The following MSN variants were observed in gnomAD, a reference collection of about 807,000 sequenced individuals.
MSN encodes epididymis luminal protein 70.
In MSN, 2 loss-of-function variants were observed where a neutral mutation model predicts 48.0. The observed-to-expected ratio is 0.04, with a 90% CI of 0.02 to 0.13. MSN has a LOEUF of 0.13. Among genes scored for constraint, MSN ranks in the 10% least tolerant of loss-of-function variants. The probability of loss-of-function intolerance (pLI) is 1.00; values close to 1 mark genes in which losing one functional copy is unlikely to be tolerated. For missense variants in MSN, 267 were observed against 470.1 expected (o/e 0.57, Z 3.99); for synonymous variants, 146 against 166.9 (o/e 0.87, Z 0.97).
chrX:65,727,008 C>T (rs1462262712), intron 2 of MSN, among the ~76,000 whole-genome samples: 1 of 111,085 alleles, frequency 9.0e-6, no homozygotes, highest in Non-Finnish European at 1.9e-5. Context: ...CAGGGGGCAC[C>T]TCAGCTGCTA....
intron 1 of MSN, among the ~76,000 whole-genome samples, chrX:65,633,103 G>A (rs751139991): frequency 4.5e-5 from 5 of 111,581 alleles, no homozygotes; most frequent in African/African-American, 6.5e-5. Context: ...GGTAGTAGTG[G>A]GAATAAGCCA....
At chrX:65,662,182 C>A (rs754015941) in intron 1 of MSN, among the ~76,000 whole-genome samples, 2 of 112,468 alleles carry the variant, frequency 1.8e-5, no homozygotes, top group Non-Finnish European at 3.8e-5. Flanking sequence ...TTGGAAGAAG[C>A]AATATCATTA....
intron 1 of MSN, among the ~76,000 whole-genome samples, chrX:65,662,439 T>C (rs1359609682): frequency 8.9e-6 from 1 of 111,797 alleles, no homozygotes; most frequent in East Asian, 2.8e-4. Flanking sequence ...AACAGACACA[T>C]AGACCAATGG....
chrX:65,695,950 A>G (rs1004217820), intron 1 of MSN, among the ~76,000 whole-genome samples: 3 of 101,437 alleles, frequency 3.0e-5, no homozygotes, highest in Non-Finnish European at 5.7e-5. Context: ...TACCCAGAAT[A>G]CCATGAGGTT....
At position 65,616,948 on chromosome X, in the gene MSN, G is replaced by A. The variant is rs188320675; in HGVS notation, c.-22+28336G>A. Among the ~76,000 whole-genome samples the A allele has an allele frequency of 5.1e-3, 563 of 110,341 alleles. 5 individuals carry two copies. The highest frequency in any genetic ancestry group is 0.015 in the African/African-American group (440 of 29,768). ...TTGAATTTTGTCAAAGGCCTTTTCC[G>A]CATCTATTGAGATAATCATGTGGTT... On this transcript the variant is annotated intron_variant, in intron 1 of 3. Coordinates refer to the MSN transcript ENST00000609672.
intron 1 of MSN, among the ~76,000 whole-genome samples, chrX:65,687,751 C>T (rs1361199623): frequency 1.8e-5 from 2 of 111,742 alleles, no homozygotes; most frequent in Non-Finnish European, 3.8e-5. Context: ...CTTCAAAGAT[C>T]GGAGGTTGAG....
intron 1 of MSN, among the ~76,000 whole-genome samples, chrX:65,655,687 C>T (rs918540888): frequency 8.8e-6 from 1 of 113,053 alleles, no homozygotes; most frequent in African/African-American, 3.2e-5. Context: ...AAGACATAGA[C>T]ATCTCCCTGA....
At chrX:65,659,926 T>A (rs1250513411) in intron 1 of MSN, among the ~76,000 whole-genome samples, 1 of 109,949 alleles carries the variant, frequency 9.1e-6, no homozygotes, top group East Asian at 2.9e-4. Context: ...GGCCCCAGGA[T>A]GATTGATCTA....
At chrX:65,618,025 G>A (rs1042666028) in intron 1 of MSN, among the ~76,000 whole-genome samples, 338 of 109,723 alleles carry the variant, frequency 3.1e-3, no homozygotes, top group African/African-American at 0.01. Flanking sequence ...TATTGAGTGA[G>A]ATTCTTAATC....
intron 1 of MSN, among the ~76,000 whole-genome samples, chrX:65,597,782 G>T (rs1352122962): frequency 1.8e-5 from 2 of 112,182 alleles, no homozygotes; most frequent in Non-Finnish European, 3.8e-5. Context: ...CCTTTCCTAT[G>T]CATGGGCTTC....
intron 1 of MSN, among the ~76,000 whole-genome samples, chrX:65,670,628 C>T (rs1365413090): frequency 1.8e-5 from 2 of 108,202 alleles, no homozygotes; most frequent in African/African-American, 3.4e-5. Context: ...GAAGCTGAGG[C>T]AGGAGAATCG....
At chrX:65,618,063 T>G (rs2070393634) in intron 1 of MSN, among the ~76,000 whole-genome samples, 1 of 111,137 alleles carries the variant, frequency 9.0e-6, no homozygotes, top group Non-Finnish European at 1.9e-5. Context: ...TGCACTGTGG[T>G]CTGAGAGATA....
chrX:65,654,103 CTTTT>C (rs776587090), intron 1 of MSN, among the ~76,000 whole-genome samples: 2 of 67,694 alleles, frequency 3.0e-5, no homozygotes, highest in Non-Finnish European at 5.3e-5. Flanking sequence ...GGAGACCCTT[CTTTT>C]TTTTTTTTTT....
intron 1 of MSN, among the ~76,000 whole-genome samples, chrX:65,618,279 G>A (rs1179778034): frequency 9.0e-6 from 1 of 111,204 alleles, no homozygotes; most frequent in Admixed American, 9.6e-5. Flanking sequence ...TTTCTGTCTT[G>A]TTGATCTGTC....
At chrX:65,718,274 C>A (rs749713972) in intron 2 of MSN, among the ~76,000 whole-genome samples, 2 of 109,292 alleles carry the variant, frequency 1.8e-5, no homozygotes, top group Non-Finnish European at 3.8e-5. Flanking sequence ...ATCCCCTCCC[C>A]CCGAGAAATA....
At chrX:65,657,815 A>G (rs1275390620) in intron 1 of MSN, among the ~76,000 whole-genome samples, 1 of 111,758 alleles carries the variant, frequency 8.9e-6, no homozygotes, top group African/African-American at 3.3e-5. Flanking sequence ...AGGACTGAGA[A>G]AGTCACAGAT....
chrX:65,720,218 A>G (rs1261801148), intron 2 of MSN, among the ~76,000 whole-genome samples: 1 of 112,378 alleles, frequency 8.9e-6, no homozygotes, highest in Non-Finnish European at 1.9e-5. Flanking sequence ...ACTCTAGGTC[A>G]TGTAGTTAGT....
chrX:65,741,643 A>AC lies in MSN; in HGVS notation c.*1756dup, dbSNP rs1326028299. On this transcript the variant is annotated 3_prime_UTR_variant, in exon 13 of 13. Coordinates refer to ENST00000360270, the MANE Select transcript of MSN (RefSeq NM_002444.3). ...CCTCCCTCAATTCCCCCTGGCCACC[A>AC]CCCCCCACTCTGTGCCTGACCTTGA... 1 of 168,333 alleles carries AC rather than the reference A, an allele frequency of 5.9e-6. No individual in the cohort carries two copies. The highest frequency in any genetic ancestry group is 1.1e-5 in the Non-Finnish European group (1 of 88,038). The allele number at this position is 168,333 out of a possible 1,213,427, so 13.9% of individuals were successfully genotyped here. A position where few individuals can be genotyped will look rare whatever the true frequency, so the allele number is the denominator to read the frequency against.
chrX:65,612,426 G>A (rs1483762146), intron 1 of MSN, among the ~76,000 whole-genome samples: 1 of 111,306 alleles, frequency 9.0e-6, no homozygotes, highest in East Asian at 2.8e-4. Flanking sequence ...ATGGACTCAG[G>A]TTATTCATCT....
Sources: gnomAD v4.1 joint callset for allele counts (sites outside exome capture counted in the v4.1 genomes callset) on GRCh38, gnomAD v4.1.1 for gene constraint, MANE v1.5 for transcripts, NCBI Gene and HGNC (gene_info 2026-07-23, HGNC 2026-07-21) for gene names.